CNTNAP2: variants seen among roughly 807,000 people sequenced by gnomAD.
CNTNAP2 encodes the protein contactin-associated protein-like 2.
CNTNAP2 carries 98 observed loss-of-function variants against 155.2 expected under a neutral mutation model. That is an observed-to-expected ratio of 0.63 (90% CI 0.54 to 0.75). The LOEUF (loss-of-function observed/expected upper bound fraction) is 0.75. Ranked by LOEUF, CNTNAP2 falls within the 30% of genes least tolerant of loss-of-function variation. The pLI is 0.00. For synonymous variants in CNTNAP2, 651 were observed against 631.2 expected (o/e 1.03, Z -0.47); for missense variants, 1,727 against 1,688.1 (o/e 1.02, Z -0.40).
intron 13 of CNTNAP2, among the ~76,000 whole-genome samples, chr7:147,744,920 T>G (rs927866811): frequency 2.0e-5 from 3 of 152,172 alleles, no homozygotes; most frequent in African/African-American, 7.2e-5. Context: ...GTGTGAATTT[T>G]GGGGGACATA....
At chr7:147,975,879 C>T (rs960257543) in intron 14 of CNTNAP2, among the ~76,000 whole-genome samples, 2 of 152,146 alleles carry the variant, frequency 1.3e-5, no homozygotes, top group African/African-American at 4.8e-5. Context: ...ATTTCTAAAG[C>T]AAAAATGGAC....
chr7:146,396,490 T>G (rs1795628869), intron 1 of CNTNAP2, among the ~76,000 whole-genome samples: 1 of 152,034 alleles, frequency 6.6e-6, no homozygotes, highest in South Asian at 2.1e-4. Context: ...AAAGATACAG[T>G]AGATTGCAAT....
Position 147,937,001 on chromosome 7 carries a change from C to G in CNTNAP2, c.2255+33280C>G, listed in dbSNP as rs566158555. Among the ~76,000 whole-genome samples the G allele has an allele frequency of 2.8e-3, 424 of 152,224 alleles. 3 individuals are homozygous for G. The highest frequency in any genetic ancestry group is 9.9e-3 in the African/African-American group (412 of 41,546). ...ATTATGGAGCAAGGTCAGCCTCAGT[C>G]TCTACCAGTATTTTCTCTGGTGGTC... On this transcript the variant is annotated intron_variant, in intron 14 of 23. Coordinates refer to ENST00000361727, the MANE Select transcript of CNTNAP2 (RefSeq NM_014141.6).
chr7:146,408,919 G>A (rs374949054), intron 1 of CNTNAP2, among the ~76,000 whole-genome samples: 5 of 151,748 alleles, frequency 3.3e-5, no homozygotes, highest in Non-Finnish European at 7.4e-5. Flanking sequence ...AATCCACACC[G>A]AATTCACATG....
chr7:146,708,807 C>T (rs905379190), intron 1 of CNTNAP2, among the ~76,000 whole-genome samples: 4 of 151,634 alleles, frequency 2.6e-5, no homozygotes, highest in African/African-American at 7.3e-5. Flanking sequence ...AGGCTGGTCT[C>T]GAACTCCTGA....
At chr7:147,848,339 G>A (rs892325109) in intron 13 of CNTNAP2, among the ~76,000 whole-genome samples, 1 of 150,548 alleles carries the variant, frequency 6.6e-6, no homozygotes, top group Non-Finnish European at 1.5e-5. Flanking sequence ...TGCAATATTC[G>A]GGTGGGAGTG....
At chr7:146,920,498 A>G (rs1179827086) in intron 3 of CNTNAP2, among the ~76,000 whole-genome samples, 1 of 152,162 alleles carries the variant, frequency 6.6e-6, no homozygotes, top group Non-Finnish European at 1.5e-5. Flanking sequence ...AAAAATAATA[A>G]CATCACTTTT....
intron 18 of CNTNAP2, among the ~76,000 whole-genome samples, chr7:148,184,483 T>G (rs1795087745): frequency 6.6e-6 from 1 of 152,212 alleles, no homozygotes; most frequent in Admixed American, 6.5e-5. Flanking sequence ...CCAATCTCAC[T>G]TTCTGTGCTT....
chr7:146,455,921 A>C (rs147643289), intron 1 of CNTNAP2, among the ~76,000 whole-genome samples: 2 of 152,214 alleles, frequency 1.3e-5, no homozygotes, highest in East Asian at 3.9e-4. Context: ...CATGAAATAT[A>C]TAAAACACAT....
chr7:146,751,819 G>A (rs559487834), intron 1 of CNTNAP2, among the ~76,000 whole-genome samples: 1 of 151,778 alleles, frequency 6.6e-6, no homozygotes, highest in East Asian at 1.9e-4. Context: ...TGTTCCCCTC[G>A]CTGTGTCCTT....
intron 1 of CNTNAP2, among the ~76,000 whole-genome samples, chr7:146,289,922 C>T (rs1010889482): frequency 3.3e-5 from 5 of 151,974 alleles, no homozygotes; most frequent in African/African-American, 7.3e-5. Context: ...GGAGCTAATA[C>T]GACCACTTTT....
intron 3 of CNTNAP2, among the ~76,000 whole-genome samples, chr7:146,887,076 A>G (rs1795680507): frequency 6.6e-6 from 1 of 151,776 alleles, no homozygotes. Context: ...TCTTCTATCC[A>G]TCAGACTAAG....
chr7:146,669,425 A>G (rs1800257425), intron 1 of CNTNAP2, among the ~76,000 whole-genome samples: 1 of 152,180 alleles, frequency 6.6e-6, no homozygotes, highest in East Asian at 1.9e-4. Context: ...TACACAGGAG[A>G]CAGTCTAAGA....
chr7:148,172,269 T>C lies in CNTNAP2; in HGVS notation c.2801T>C (p.Leu934Pro). 1 of 1,614,106 alleles carries C rather than the reference T, an allele frequency of 6.2e-7. No individual in the cohort carries two copies. The highest frequency in any genetic ancestry group is 8.5e-7 in the Non-Finnish European group (1 of 1,180,022). Reference protein sequence around the residue: ...VGGAGGQQGFLGCIRSLRMNG... With the variant: ...VGGAGGQQGFPGCIRSLRMNG... Reference sequence around the variant, plus strand: ...GGTGCTGGGGGCCAGCAGGGCTTCCTGGGCTGCATCCGCTCCTTGAGGATG... The same window carrying C: ...GGTGCTGGGGGCCAGCAGGGCTTCCCGGGCTGCATCCGCTCCTTGAGGATG... Residue 934 changes from leucine (L) to proline (P), a missense_variant, in exon 18 of 24, where the codon CTG becomes CCG. Coordinates refer to ENST00000361727, the MANE Select transcript of CNTNAP2 (RefSeq NM_014141.6).
intron 13 of CNTNAP2, among the ~76,000 whole-genome samples, chr7:147,755,737 G>A (rs956101344): frequency 1.1e-4 from 17 of 152,162 alleles, no homozygotes; most frequent in African/African-American, 3.6e-4. Flanking sequence ...CATCCAGTTC[G>A]CACTGGTTCC....
chr7:146,898,202 TACAC>T (rs1795917389), intron 3 of CNTNAP2, among the ~76,000 whole-genome samples: 1 of 152,110 alleles, frequency 6.6e-6, no homozygotes, highest in African/African-American at 2.4e-5. Context: ...AATATATAAA[TACAC>T]AATAATTTCT....
At chr7:148,251,743 T>C (rs867881247) in intron 20 of CNTNAP2, among the ~76,000 whole-genome samples, 10 of 152,344 alleles carry the variant, frequency 6.6e-5, no homozygotes, top group Middle Eastern at 3.4e-3. Flanking sequence ...TCCCTATTCC[T>C]GGACATTTTC....
chr7:148,383,207 T>TTTAAAGA (rs1554427395), intron 21 of CNTNAP2, among the ~76,000 whole-genome samples: 1 of 148,092 alleles, frequency 6.8e-6, no homozygotes, highest in East Asian at 1.9e-4. Context: ...TTTTTTTTTT[T>TTTAAAGA]AAAGAATTCT....
At chr7:147,701,573 C>T (rs1033169171) in intron 13 of CNTNAP2, among the ~76,000 whole-genome samples, 33 of 152,070 alleles carry the variant, frequency 2.2e-4, no homozygotes, top group Admixed American at 1.4e-3. Context: ...CTTCTAACGG[C>T]TTTTTTCATA....
Sources: allele counts gnomAD v4.1 joint callset (sites outside exome capture counted in the v4.1 genomes callset), GRCh38; gene constraint gnomAD v4.1.1; transcripts MANE v1.5; gene names NCBI Gene and HGNC (gene_info 2026-07-23, HGNC 2026-07-21).